Variants in WIZ observed in about 807,000 individuals in gnomAD.
WIZ encodes protein Wiz.
Under a neutral mutation model 140.2 loss-of-function variants are expected in WIZ, and 25 were observed. The observed-to-expected ratio is 0.18, with a 90% CI of 0.13 to 0.25. The LOEUF (loss-of-function observed/expected upper bound fraction) is 0.25. WIZ is among the 10% of genes least tolerant of loss of function. The probability of loss-of-function intolerance (pLI) is 1.00; values close to 1 mark genes in which losing one functional copy is unlikely to be tolerated. For missense variants in WIZ, 2,231 were observed against 2,632.6 expected, an observed-to-expected ratio of 0.85 and a Z score of 3.34; for synonymous variants, 1,125 against 1,154.3, an observed-to-expected ratio of 0.97 and a Z score of 0.51.
At position 15,439,387 on chromosome 19, in the gene WIZ, C is replaced by G. The variant is rs942305675; in HGVS notation, c.1607G>C (p.Trp536Ser). Residue 536 changes from tryptophan (W) to serine (S), a missense_variant, in exon 4 of 13, where the codon TGG becomes TCG. By Grantham distance (177) the Trp-to-Ser change is radical. Around this residue, in one of 15 missense-constraint regions of WIZ, gnomAD observed 475 missense variants for 520.2 expected, o/e 0.91. Transcript: ENST00000673675. This position sits in a 1 kb window ranked among gnomAD's most constrained non-coding sequence, Gnocchi z 7.0. Reference sequence around the variant, plus strand: ...GTCGTATCCAGCAGGGTTCTCCCGCCACATGGGGGCCAAGGACGGCTCAGC... The same window carrying G: ...GTCGTATCCAGCAGGGTTCTCCCGCGACATGGGGGCCAAGGACGGCTCAGC... ...GKAEPSLAPMWRENPAGYDPS... is the reference protein window; with the variant it reads ...GKAEPSLAPMSRENPAGYDPS... The G allele has an allele frequency of 1.4e-5, 22 of 1,529,196 alleles. No individual in the cohort carries two copies. The Admixed American group carries it at 4.4e-4, about 30-fold the overall frequency. 94.7% of individuals were successfully genotyped at this position (1,529,196 alleles called of 1,614,324 possible).
chr19:15,448,188 T>C lies in WIZ; in HGVS notation c.120A>G (p.Glu40=), dbSNP rs1410930302. ...IEGGAEAAEG[E]GGIFRSTRYL... ...AACGGGTGGACCGGAAGATGCCACC[T>C]TCCCCCTCAGCAGCTTCGGCCCCAC... The change falls in exon 2 of 13, where the codon GAA becomes GAG. Residue 40 remains glutamate, a synonymous_variant. Coordinates refer to ENST00000673675, the MANE Select transcript of WIZ (RefSeq NM_001371589.1). 6.2e-7 allele frequency: 1 copy of C among 1,612,980 alleles called. No individual in the cohort carries two copies. The highest frequency in any genetic ancestry group is 1.1e-5 in the South Asian group (1 of 91,058).
At position 15,425,041 on chromosome 19, in the gene WIZ, C is replaced by T. The variant is rs1363208704; in HGVS notation, c.4895-9G>A. ...GCAGCAGGCCTCGGTGGCTGCGGGG[C>T]GGAGGGGGTGCTGCTGAGTCACAGC... On this transcript the variant is annotated splice_polypyrimidine_tract_variant and intron_variant, in intron 10 of 12. Coordinates refer to ENST00000673675, the MANE Select transcript of WIZ (RefSeq NM_001371589.1). 21 of 1,561,012 alleles carry T rather than the reference C, an allele frequency of 1.3e-5. No individual in the cohort carries two copies. The highest frequency in any genetic ancestry group is 3.5e-5 in the South Asian group (3 of 85,346).
chr19:15,442,882 GT>G lies in WIZ; in HGVS notation c.206-135del. 2 of 445,570 alleles carry G rather than the reference GT, an allele frequency of 4.5e-6. No homozygotes were observed. Among genetic ancestry groups the G allele is most frequent in the Non-Finnish European group, 7.4e-6 (2 of 269,892 alleles). The allele number at this position is 445,570 out of a possible 1,614,324, so 27.6% of individuals were successfully genotyped here. A position where few individuals can be genotyped will look rare whatever the true frequency, so the allele number is the denominator to read the frequency against. On this transcript the variant is annotated intron_variant, in intron 2 of 12. Transcript: ENST00000673675. The surrounding 1 kb of genome is among the most constrained non-coding windows in gnomAD (Gnocchi z 5.5). ...CCCAGTTCCTCTCCCTGAGAGGCCC[GT>G]GGCCTCTGTGGTCCTGAGCCCTGAA... is the stretch of plus-strand genomic sequence containing the variant.
At chr19:15,426,887 C>G in intron 9 of WIZ, 95 bp downstream of exon 9, 1 of 1,456,122 alleles carries the variant, frequency 6.9e-7, no homozygotes, top group South Asian at 1.4e-5. Flanking sequence ...TCCTCCCTTC[C>G]AATTCAACCC....
Position 15,440,382 on chromosome 19 carries a change from G to A in WIZ, c.612C>T (p.Asp204=). 6.5e-7 allele frequency: 1 copy of A among 1,533,110 alleles called. No individual in the cohort carries two copies. The highest frequency in any genetic ancestry group is 2.5e-5 in the East Asian group (1 of 40,812). 95.0% of individuals were successfully genotyped at this position (1,533,110 alleles called of 1,614,324 possible). ...CGAGGGGTGGCGGCTGGGCAGGCAG[G>A]TCCAAGTGCAGCCCTGCGTCCTGGG... ...GSPQDAGLHL[D]LPAQPPPLAP... Residue 204 remains aspartate, a synonymous_variant, in exon 4 of 13, where the codon GAC becomes GAT. Transcript: ENST00000673675. This position sits in a 1 kb window ranked among gnomAD's most constrained non-coding sequence, Gnocchi z 6.2.
At position 15,439,755 on chromosome 19, in the gene WIZ, G is replaced by A; in HGVS notation, c.1239C>T (p.Ser413=). The A allele has an allele frequency of 6.8e-7, 1 of 1,479,126 alleles. No homozygotes were observed. The highest frequency in any genetic ancestry group is 2.5e-5 in the East Asian group (1 of 40,478). The allele number at this position is 1,479,126 out of a possible 1,614,324, so 91.6% of individuals were successfully genotyped here. ...GCTTGGCATGCTGCACATAGGCCCT[G>A]GATGAATTGGTGCCAAAGACACACT... The part of the protein sequence containing the change: ...CPKCVFGTNS[S]RAYVQHAKLH... Residue 413 remains serine, a synonymous_variant, in exon 4 of 13, where the codon TCC becomes TCT. Coordinates refer to ENST00000673675, the MANE Select transcript of WIZ (RefSeq NM_001371589.1). The surrounding 1 kb of genome is among the most constrained non-coding windows in gnomAD (Gnocchi z 7.0).
Position 15,438,932 on chromosome 19 carries a change from C to T in WIZ, c.2062G>A (p.Ala688Thr), listed in dbSNP as rs1177253604. ...GCCATGACCTGCGGCCCCAGCTTCG[C>T]CACGAGCACAATGGGTACCATCCCT... Reference protein sequence around the residue: ...LRGMVPIVLVAKLGPQVMAAA... With the variant: ...LRGMVPIVLVTKLGPQVMAAA... Residue 688 changes from alanine (A) to threonine (T), a missense_variant, in exon 4 of 13, where the codon GCG becomes ACG. Ala to Thr is a moderately conservative substitution (Grantham distance 58). Around this residue, in one of 15 missense-constraint regions of WIZ, gnomAD observed 475 missense variants for 520.2 expected, o/e 0.91. Coordinates refer to ENST00000673675, the MANE Select transcript of WIZ (RefSeq NM_001371589.1). 6.9e-7 allele frequency: 1 copy of T among 1,445,806 alleles called. No homozygotes were observed. Among genetic ancestry groups the T allele is most frequent in the Non-Finnish European group, 9.1e-7 (1 of 1,100,750 alleles). The allele number at this position is 1,445,806 out of a possible 1,614,324, so 89.6% of individuals were successfully genotyped here.
In WIZ at chr19:15,442,526, G is replaced by A; in HGVS notation, c.278+150C>T. 1 of 512,824 alleles carries A rather than the reference G, an allele frequency of 1.9e-6. No homozygotes were observed. The highest frequency in any genetic ancestry group is 3.0e-6 in the Non-Finnish European group (1 of 331,844). The allele number at this position is 512,824 out of a possible 1,614,324, so 31.8% of individuals were successfully genotyped here. A position where few individuals can be genotyped will look rare whatever the true frequency, so the allele number is the denominator to read the frequency against. ...CCCCCAACCCCAGCACACGCCCAGG[G>A]GCTTGCCTGCCGGGAGCTGACTCCT... On this transcript the variant is annotated intron_variant, in intron 3 of 12. Coordinates refer to ENST00000673675, the MANE Select transcript of WIZ (RefSeq NM_001371589.1). The surrounding 1 kb of genome is among the most constrained non-coding windows in gnomAD (Gnocchi z 5.5).
chr19:15,425,536 A>C lies in WIZ; in HGVS notation c.4599T>G (p.Ala1533=). ...PPAGDLAPAL[A]EDGPPTVAPG... is the part of the protein sequence containing the mutation. ...GGGCCACGGTGGGAGGCCCGTCCTC[A>C]GCCAGGGCAGGGGCCAGGTCTCCAG... Residue 1533 remains alanine, a synonymous_variant, in exon 10 of 13, where the codon GCT becomes GCG. Transcript: ENST00000673675. 6.2e-7 allele frequency: 1 copy of C among 1,612,018 alleles called. No individual in the cohort carries two copies. The highest frequency in any genetic ancestry group is 8.5e-7 in the Non-Finnish European group (1 of 1,179,120).
chr19:15,448,375 TAG>T lies in WIZ; in HGVS notation c.-60-10_-60-9del. ...CAGCGGGGCATTGTGGGCCTGGGGA[TAG>T]AGAGAAGGAAGTGCTTAGGGGATGG... On this transcript the variant is annotated splice_polypyrimidine_tract_variant and intron_variant, in intron 1 of 12. Transcript: ENST00000673675. 1 of 1,581,152 alleles carries T rather than the reference TAG, an allele frequency of 6.3e-7. No individual in the cohort carries two copies. The highest frequency in any genetic ancestry group is 1.1e-5 in the South Asian group (1 of 89,670).
rs1338395003 is a variant in WIZ at position 15,427,680 on chromosome 19, G to A, written c.3815-147C>T. On this transcript the variant is annotated intron_variant, in intron 8 of 12. Coordinates refer to ENST00000673675, the MANE Select transcript of WIZ (RefSeq NM_001371589.1). The surrounding 1 kb of genome is among the most constrained non-coding windows in gnomAD (Gnocchi z 6.4). ...GGCAGGTGCAGGTAAGGGAGTGGAGGAGCGGGGCTGGGGGCCAGATACCCG... is the reference window on the plus strand; with the variant it reads ...GGCAGGTGCAGGTAAGGGAGTGGAGAAGCGGGGCTGGGGGCCAGATACCCG... 3.3e-6 allele frequency: 3 copies of A among 922,370 alleles called. No homozygotes were observed. In the East Asian group the frequency reaches 8.0e-5, roughly 24 times the overall value. 57.1% of individuals were successfully genotyped at this position (922,370 alleles called of 1,614,324 possible). A position where few individuals can be genotyped will look rare whatever the true frequency, so the allele number is the denominator to read the frequency against.
chr19:15,439,158 A>G lies in WIZ; in HGVS notation c.1836T>C (p.Pro612=), dbSNP rs1288596169. The part of the protein sequence containing the change: ...HPQGLGERRR[P]WSEEEEEEEE... The stretch of plus-strand genomic sequence containing the variant: ...CCTCCTCCTCCTCCTCTTCGCTCCA[A>G]GGGCGCCTCCGTTCCCCCAGCCCTT... The change falls in exon 4 of 13, where the codon CCT becomes CCC. Residue 612 remains proline (P), a synonymous_variant. Transcript: ENST00000673675. This position sits in a 1 kb window ranked among gnomAD's most constrained non-coding sequence, Gnocchi z 7.0. 6.5e-7 allele frequency: 1 copy of G among 1,529,914 alleles called. No homozygotes were observed. The highest frequency in any genetic ancestry group is 2.0e-5 in the Admixed American group (1 of 50,388). The allele number at this position is 1,529,914 out of a possible 1,614,324, so 94.8% of individuals were successfully genotyped here. A position where few individuals can be genotyped will look rare whatever the true frequency, so the allele number is the denominator to read the frequency against.
In WIZ at chr19:15,426,990, A is replaced by G. The variant is rs112883075; in HGVS notation, c.4358T>C (p.Leu1453Pro). 6.2e-7 allele frequency: 1 copy of G among 1,611,936 alleles called. No homozygotes were observed. The highest frequency in any genetic ancestry group is 1.1e-5 in the South Asian group (1 of 90,834). ...WGAPREDMTP[L>P]NLSSRAEPVR... Reference sequence around the variant, plus strand: ...TGCAGGGTCACACTTACACAGGTTCAGGGGTGTCATGTCTTCCCGTGGTGC... The same window carrying G: ...TGCAGGGTCACACTTACACAGGTTCGGGGGTGTCATGTCTTCCCGTGGTGC... Residue 1453 changes from leucine (L) to proline (P), a missense_variant, in exon 9 of 13, where the codon CTG (leucine) becomes CCG (proline). Leu to Pro is a moderately conservative substitution (Grantham distance 98). This residue lies in a region of WIZ where 393 missense variants were observed against 451.7 expected (regional missense o/e 0.87). Transcript: ENST00000673675.
In WIZ at chr19:15,427,614, G is replaced by A. The variant is rs1178142654; in HGVS notation, c.3815-81C>T. On this transcript the variant is annotated intron_variant, in intron 8 of 12. Transcript: ENST00000673675. This position sits in a 1 kb window ranked among gnomAD's most constrained non-coding sequence, Gnocchi z 6.4. ...CTGCAGGAGTGTCCTGGTCGGCTGGGCGTGGGCGGCAGCAGCACGCCCACA... is the reference window on the plus strand; with the variant it reads ...CTGCAGGAGTGTCCTGGTCGGCTGGACGTGGGCGGCAGCAGCACGCCCACA... 18 of 1,462,682 alleles carry A rather than the reference G, an allele frequency of 1.2e-5. No homozygotes were observed. The South Asian group carries it at 2.0e-4, about 16-fold the overall frequency. The allele number at this position is 1,462,682 out of a possible 1,614,324, so 90.6% of individuals were successfully genotyped here. A position where few individuals can be genotyped will look rare whatever the true frequency, so the allele number is the denominator to read the frequency against.
Position 15,431,036 on chromosome 19 carries a change from T to C in WIZ, c.2887A>G (p.Lys963Glu). The change falls in exon 6 of 13, where the codon AAA (lysine) becomes GAA (glutamate). Residue 963 changes from lysine to glutamate, a missense_variant. Around this residue, in one of 15 missense-constraint regions of WIZ, gnomAD observed 137 missense variants for 135.8 expected, o/e 1.01. Coordinates refer to ENST00000673675, the MANE Select transcript of WIZ (RefSeq NM_001371589.1). ...KVAAEVPHGSKQELQDLKAQS... is the reference protein window; with the variant it reads ...KVAAEVPHGSEQELQDLKAQS... Reference sequence around the variant, plus strand: ...CCCTTGAGGTCCTGCAGCTCCTGTTTGCTGCCATGAGGAACCTCTGCAGCC... The same window carrying C: ...CCCTTGAGGTCCTGCAGCTCCTGTTCGCTGCCATGAGGAACCTCTGCAGCC... 6.5e-7 allele frequency: 1 copy of C among 1,535,376 alleles called. No homozygotes were observed. Among genetic ancestry groups the C allele is most frequent in the Non-Finnish European group, 8.7e-7 (1 of 1,146,514 alleles).
intron 7 of WIZ, among the ~76,000 whole-genome samples, chr19:15,429,237 C>T (rs1301895448): frequency 6.6e-6 from 1 of 152,170 alleles, no homozygotes; most frequent in Non-Finnish European, 1.5e-5. Context: ...ACTGAGAAAG[C>T]TAGGCCACAG....
In WIZ at chr19:15,424,733, T is replaced by C. The variant is rs1259870271; in HGVS notation, c.5194A>G (p.Ser1732Gly). 7 of 1,572,658 alleles carry C rather than the reference T, an allele frequency of 4.5e-6. No homozygotes were observed. Among genetic ancestry groups the C allele is most frequent in the Non-Finnish European group, 4.3e-6 (5 of 1,164,112 alleles). Residue 1732 changes from serine to glycine, a missense_variant, in exon 11 of 13, where the codon AGT becomes GGT. Around this residue, in one of 15 missense-constraint regions of WIZ, gnomAD observed 299 missense variants for 309.6 expected, o/e 0.97. Coordinates refer to ENST00000673675, the MANE Select transcript of WIZ (RefSeq NM_001371589.1). This position sits in a 1 kb window ranked among gnomAD's most constrained non-coding sequence, Gnocchi z 9.7. ...APGGLAVVGR[S>G]AGGEPGPEAG... ...TCGGGCCCTGGCTCCCCTCCGGCAC[T>C]GCGGCCGACCACGGCCAGGCCCCCG... is the stretch of plus-strand genomic sequence containing the variant.
Position 15,443,582 on chromosome 19 carries a change from G to A in WIZ, c.206-834C>T, listed in dbSNP as rs113679839. Among the ~76,000 whole-genome samples the A allele has an allele frequency of 3.7e-3, 557 of 152,240 alleles. 6 individuals are homozygous for A. The highest frequency in any genetic ancestry group is 0.013 in the African/African-American group (532 of 41,538). On this transcript the variant is annotated intron_variant, in intron 2 of 12. Coordinates refer to ENST00000673675, the MANE Select transcript of WIZ (RefSeq NM_001371589.1). ...CTGCCCAGGGCACTCATCTCTGACCGCCTAACTCAAATGAGCCCCTATGAT... is the reference window on the plus strand; with the variant it reads ...CTGCCCAGGGCACTCATCTCTGACCACCTAACTCAAATGAGCCCCTATGAT...
intron 2 of WIZ, among the ~76,000 whole-genome samples, chr19:15,445,583 G>C (rs115227037): frequency 0.014 from 2,058 of 152,282 alleles, 51 homozygotes; most frequent in African/African-American, 0.047. Context: ...TTTCTCCCCA[G>C]GCTGGGGCCT....
Sources: allele counts gnomAD v4.1 joint callset (sites outside exome capture counted in the v4.1 genomes callset), GRCh38; gene constraint gnomAD v4.1.1; regional missense constraint gnomAD v4.1.1; non-coding constraint Gnocchi (gnomAD v3.1); transcripts MANE v1.5; gene names NCBI Gene and HGNC (gene_info 2026-07-23, HGNC 2026-07-21).